The following RIMS1 variants were observed in gnomAD, a reference collection of about 807,000 sequenced individuals.
RIMS1 encodes the protein regulating synaptic membrane exocytosis protein 1.
Under a neutral mutation model 214.1 loss-of-function variants are expected in RIMS1, and 83 were observed. The observed-to-expected ratio is 0.39, with a 90% CI of 0.32 to 0.47. RIMS1 has a LOEUF of 0.47. RIMS1 is among the 20% of genes least tolerant of loss of function. The pLI, the probability that RIMS1 is intolerant of heterozygous loss-of-function variation, is 0.99. For missense variants in RIMS1, 2,050 were observed against 2,161.8 expected, an observed-to-expected ratio of 0.95 and a Z score of 1.03; for synonymous variants, 793 against 786.8, an observed-to-expected ratio of 1.01 and a Z score of -0.13.
At chr6:72,099,951 G>A in intron 3 of RIMS1, 24 bp from the exon 4 acceptor site, 1 of 1,596,276 alleles carries the variant, frequency 6.3e-7, no homozygotes, top group Non-Finnish European at 8.6e-7. Context: ...TCTCTACTCT[G>A]CTTCCTTGGA....
At chr6:72,164,055 G>A (rs534881208) in intron 4 of RIMS1, among the ~76,000 whole-genome samples, 15 of 152,228 alleles carry the variant, frequency 9.9e-5, no homozygotes, top group South Asian at 2.1e-4. Context: ...CGAGCTTCCC[G>A]GCCACTTTGT....
intron 1 of RIMS1, among the ~76,000 whole-genome samples, chr6:71,937,248 A>AT (rs1784721977): frequency 1.3e-5 from 2 of 152,054 alleles, no homozygotes; most frequent in African/African-American, 4.8e-5. Flanking sequence ...TGTAGATGGA[A>AT]ATTTTTTTTA....
intron 27 of RIMS1, among the ~76,000 whole-genome samples, chr6:72,312,974 T>G (rs2095586920): frequency 6.6e-6 from 1 of 152,154 alleles, no homozygotes; most frequent in Non-Finnish European, 1.5e-5. Context: ...CTATATACAT[T>G]ATATATTTTC....
At chr6:71,903,854 A>G (rs191155180) in intron 1 of RIMS1, among the ~76,000 whole-genome samples, 1 of 152,256 alleles carries the variant, frequency 6.6e-6, no homozygotes, top group Admixed American at 6.5e-5. Flanking sequence ...ATGTTGAGAC[A>G]AAAGAAAGAT....
At chr6:72,284,181 C>A (rs2091454848) in intron 24 of RIMS1, 63 bp downstream of exon 24, 5 of 1,373,068 alleles carry the variant, frequency 3.6e-6, no homozygotes, top group South Asian at 3.6e-5. Context: ...GGGGTGCTGT[C>A]ACTCTCATTT....
chr6:72,391,352 CTTT>C (rs1344795955), intron 30 of RIMS1, among the ~76,000 whole-genome samples: 2 of 134,408 alleles, frequency 1.5e-5, no homozygotes, highest in African/African-American at 2.7e-5. Flanking sequence ...GATTCTTTTT[CTTT>C]TTTTTTTTTT....
At chr6:71,988,155 C>A (rs926065866) in intron 2 of RIMS1, among the ~76,000 whole-genome samples, 2 of 151,862 alleles carry the variant, frequency 1.3e-5, no homozygotes, top group African/African-American at 2.4e-5. Flanking sequence ...TGGTTCTTTG[C>A]TTCCTGTAGC....
chr6:72,341,472 C>G (rs575597950), intron 29 of RIMS1, among the ~76,000 whole-genome samples: 103 of 151,890 alleles, frequency 6.8e-4, no homozygotes, highest in African/African-American at 2.2e-3. Flanking sequence ...TCTAATAGAA[C>G]TTTTAAATTT....
intron 1 of RIMS1, among the ~76,000 whole-genome samples, chr6:71,964,360 A>G (rs1793845689): frequency 6.6e-6 from 1 of 152,138 alleles, no homozygotes; most frequent in African/African-American, 2.4e-5. Flanking sequence ...GACCTGATTT[A>G]TCTTTCAAAA....
chr6:71,982,458 A>G (rs1409808470), intron 2 of RIMS1, among the ~76,000 whole-genome samples: 1 of 152,126 alleles, frequency 6.6e-6, no homozygotes, highest in Non-Finnish European at 1.5e-5. Flanking sequence ...CCAAGTTTAA[A>G]TGGAACTGAA....
At chr6:72,197,115 C>A (rs1276557204) in intron 6 of RIMS1, among the ~76,000 whole-genome samples, 3 of 152,078 alleles carry the variant, frequency 2.0e-5, no homozygotes, top group African/African-American at 7.2e-5. Flanking sequence ...GTGGAACCCC[C>A]ATCCATACCA....
At position 71,994,873 on chromosome 6, in the gene RIMS1, C is replaced by T. The variant is rs1041434967; in HGVS notation, c.245+25810C>T. ...ACTAAGTGCCTGGGGAAGGGAAGGGCGGGTATACTGCCCAGAACACAAAGG... is the reference window on the plus strand; with the variant it reads ...ACTAAGTGCCTGGGGAAGGGAAGGGTGGGTATACTGCCCAGAACACAAAGG... On this transcript the variant is annotated intron_variant, in intron 2 of 33. Coordinates refer to ENST00000521978, the MANE Select transcript of RIMS1 (RefSeq NM_014989.7). 5.9e-5 allele frequency among the ~76,000 whole-genome samples: 9 copies of T among 152,162 alleles called. No individual in the cohort carries two copies. In the East Asian group the frequency reaches 7.7e-4, roughly 13 times the overall value.
chr6:72,072,141 T>G (rs2152306871), intron 2 of RIMS1, among the ~76,000 whole-genome samples: 1 of 152,278 alleles, frequency 6.6e-6, no homozygotes, highest in East Asian at 1.9e-4. Context: ...TTGAAGGGAT[T>G]TAAGGATCAG....
Position 72,282,100 on chromosome 6 carries a change from C to T in RIMS1, c.3483-1947C>T, listed in dbSNP as rs142888363. ...TTTTGTGGGTCTTCCTGAATCTCTC[C>T]ACTCTCATCTGCTCTACTTGTGCTG... On this transcript the variant is annotated intron_variant, in intron 23 of 33. Transcript: ENST00000521978. Among the ~76,000 whole-genome samples, 14 of 152,118 alleles carry T rather than the reference C, an allele frequency of 9.2e-5. No individual in the cohort carries two copies. In the East Asian group the frequency reaches 2.5e-3, roughly 27 times the overall value.
intron 21 of RIMS1, 93 bp downstream of exon 21, chr6:72,265,596 C>T: frequency 1.4e-6 from 1 of 695,104 alleles, no homozygotes; most frequent in Admixed American, 2.7e-5. Context: ...CCTCTGATGT[C>T]CTTCATTTTG....
At chr6:72,045,446 T>G (rs1008008397) in intron 2 of RIMS1, among the ~76,000 whole-genome samples, 1 of 152,058 alleles carries the variant, frequency 6.6e-6, no homozygotes, top group Non-Finnish European at 1.5e-5. Flanking sequence ...TTTAGTAGAC[T>G]GGGAAATCCA....
In RIMS1 at chr6:72,017,425, T is replaced by G. The variant is rs181576379; in HGVS notation, c.245+48362T>G. On this transcript the variant is annotated intron_variant, in intron 2 of 33. Coordinates refer to ENST00000521978, the MANE Select transcript of RIMS1 (RefSeq NM_014989.7). ...CTCTGTAGATGTGACTCTTTCCATTTTACCAATTGGATGTGAAAGAGACAA... is the reference window on the plus strand; with the variant it reads ...CTCTGTAGATGTGACTCTTTCCATTGTACCAATTGGATGTGAAAGAGACAA... 1.9e-3 allele frequency among the ~76,000 whole-genome samples: 289 copies of G among 152,312 alleles called. 1 individual carries two copies. Among genetic ancestry groups the G allele is most frequent in the African/African-American group, 6.6e-3 (273 of 41,572 alleles).
intron 33 of RIMS1, among the ~76,000 whole-genome samples, chr6:72,400,155 A>G (rs1018538603): frequency 1.1e-4 from 16 of 152,142 alleles, no homozygotes; most frequent in African/African-American, 3.6e-4. Flanking sequence ...GGTCCTGTAC[A>G]TCGCTAATTA....
At chr6:72,156,123 C>A in intron 4 of RIMS1, 1 of 303,744 alleles carries the variant, frequency 3.3e-6, no homozygotes, top group Non-Finnish European at 6.7e-6. Context: ...TCTGGATATA[C>A]ATCAAGAGCA....
Sources: allele counts gnomAD v4.1 joint callset (sites outside exome capture counted in the v4.1 genomes callset), GRCh38; gene constraint gnomAD v4.1.1; transcripts MANE v1.5; gene names NCBI Gene and HGNC (gene_info 2026-07-23, HGNC 2026-07-21).